The following PCNX1 variants were observed in gnomAD, a reference collection of about 807,000 sequenced individuals.
PCNX1 encodes the protein pecanex-like protein 1.
A neutral mutation model predicts 242.2 loss-of-function variants in PCNX1; 78 were observed. The observed-to-expected ratio is 0.32, with a 90% CI of 0.27 to 0.39. The LOEUF is 0.39. Among genes scored for constraint, PCNX1 ranks in the 10% least tolerant of loss-of-function variants. The pLI, the probability that PCNX1 is intolerant of heterozygous loss-of-function variation, is 1.00. For synonymous variants in PCNX1, 1,024 were observed against 1,032.9 expected, an observed-to-expected ratio of 0.99 and a Z score of 0.17; for missense variants, 2,581 against 2,856.5, an observed-to-expected ratio of 0.90 and a Z score of 2.20.
chr14:71,022,707 T>C (rs1380429227), intron 12 of PCNX1, among the ~76,000 whole-genome samples: 1 of 152,224 alleles, frequency 6.6e-6, no homozygotes, highest in Non-Finnish European at 1.5e-5. Flanking sequence ...TATTTTGATA[T>C]GAAAATGCAG....
chr14:70,990,033 C>A (rs1417330449), intron 7 of PCNX1, among the ~76,000 whole-genome samples: 1 of 152,138 alleles, frequency 6.6e-6, no homozygotes, highest in Non-Finnish European at 1.5e-5. Context: ...AGATAAACCC[C>A]TTCTCTTGTT....
rs2060910659 is a variant in PCNX1 at position 71,047,952 on chromosome 14, G to A, written c.4306G>A (p.Asp1436Asn). Residue 1436 changes from aspartate to asparagine, a missense_variant, in exon 22 of 36, where the codon GAT becomes AAT. This residue lies in a region of PCNX1 where 432 missense variants were observed against 443.1 expected (regional missense o/e 0.97). Transcript: ENST00000304743. ...YEAFSETMLL[D>N]LFFMSILFNK... ...AGCTTTTTCAGAGACCATGCTGTTGGATCTCTTCTTTATGTCCATACTCTT... is the reference window on the plus strand; with the variant it reads ...AGCTTTTTCAGAGACCATGCTGTTGAATCTCTTCTTTATGTCCATACTCTT... The A allele has an allele frequency of 1.2e-6, 2 of 1,612,664 alleles. No individual in the cohort carries two copies. Among genetic ancestry groups the A allele is most frequent in the East Asian group, 4.5e-5 (2 of 44,760 alleles).
At chr14:71,019,755 G>A (rs2060050143) in intron 12 of PCNX1, among the ~76,000 whole-genome samples, 2 of 151,300 alleles carry the variant, frequency 1.3e-5, no homozygotes, top group African/African-American at 4.9e-5. Context: ...TTTTTTAATA[G>A]TAGTAGTTTT....
Position 71,019,951 on chromosome 14 carries a change from C to T in PCNX1, c.3150+789C>T, listed in dbSNP as rs150319385. ...CCCTCCCCTACCCTCCGCCCCCTGA[C>T]GGACCCCCTCCTTGTGTTCCCCTCC... is the stretch of plus-strand genomic sequence containing the variant. On this transcript the variant is annotated intron_variant, in intron 12 of 35. Coordinates refer to ENST00000304743, the MANE Select transcript of PCNX1 (RefSeq NM_014982.3). Among the ~76,000 whole-genome samples the T allele has an allele frequency of 8.3e-3, 1,264 of 151,454 alleles. 21 individuals are homozygous for T. The highest frequency in any genetic ancestry group is 0.029 in the African/African-American group (1,216 of 41,250).
intron 24 of PCNX1, among the ~76,000 whole-genome samples, chr14:71,054,864 G>A (rs1047481203): frequency 1.3e-5 from 2 of 152,100 alleles, no homozygotes; most frequent in East Asian, 3.9e-4. Context: ...TGTGAAACTT[G>A]GACTTTTTGT....
chr14:70,949,450 T>C (rs2526852), intron 2 of PCNX1, among the ~76,000 whole-genome samples: 95,654 of 151,120 alleles, frequency 0.63, 30,554 homozygotes, highest in South Asian at 0.72. Context: ...TATATATGTA[T>C]AATATACACA....
At chr14:71,034,941 A>G (rs562089800) in intron 18 of PCNX1, among the ~76,000 whole-genome samples, 17 of 152,344 alleles carry the variant, frequency 1.1e-4, no homozygotes, top group East Asian at 1.9e-4. Flanking sequence ...TGGTTTTTCT[A>G]TGACCACTGA....
chr14:71,080,479 A>G (rs1213880956), intron 28 of PCNX1, among the ~76,000 whole-genome samples: 1 of 152,150 alleles, frequency 6.6e-6, no homozygotes, highest in Non-Finnish European at 1.5e-5. Context: ...GGCCATTTTC[A>G]CAATATTGAT....
intron 26 of PCNX1, among the ~76,000 whole-genome samples, chr14:71,058,425 G>A (rs969875418): frequency 2.0e-5 from 3 of 152,140 alleles, no homozygotes; most frequent in African/African-American, 2.4e-5. Flanking sequence ...CTGTAAAACT[G>A]AATAACATGT....
intron 1 of PCNX1, among the ~76,000 whole-genome samples, chr14:70,923,376 T>C (rs1325444809): frequency 6.6e-6 from 1 of 152,238 alleles, no homozygotes; most frequent in Admixed American, 6.5e-5. Flanking sequence ...AAAAAATTCA[T>C]GTTTTTGTCT....
chr14:70,961,068 A>T (rs2058193635), intron 2 of PCNX1, among the ~76,000 whole-genome samples: 1 of 152,218 alleles, frequency 6.6e-6, no homozygotes, highest in Non-Finnish European at 1.5e-5. Context: ...AAGAATCAAT[A>T]TCGTGAAAAT....
chr14:70,993,769 G>C (rs183963658), intron 7 of PCNX1, among the ~76,000 whole-genome samples: 3 of 152,264 alleles, frequency 2.0e-5, no homozygotes, highest in Admixed American at 2.0e-4. Flanking sequence ...ACACAGGGAC[G>C]TGGTACCTGA....
chr14:70,979,909 G>A (rs2058787801), intron 6 of PCNX1, among the ~76,000 whole-genome samples: 2 of 151,158 alleles, frequency 1.3e-5, no homozygotes, highest in Admixed American at 6.6e-5. Flanking sequence ...TAACCATTTG[G>A]TGACAGTAGA....
At chr14:71,052,066 A>T (rs2061052540) in intron 24 of PCNX1, 54 bp downstream of exon 24, 5 of 1,288,942 alleles carry the variant, frequency 3.9e-6, no homozygotes, top group Non-Finnish European at 5.5e-6. Flanking sequence ...ACTGGGAAAA[A>T]CTATTGACAG....
intron 1 of PCNX1, among the ~76,000 whole-genome samples, chr14:70,917,964 G>A (rs1198747570): frequency 6.6e-6 from 1 of 152,208 alleles, no homozygotes; most frequent in Middle Eastern, 3.4e-3. Flanking sequence ...AAACTTTTAT[G>A]TTATGGCAAC....
intron 1 of PCNX1, among the ~76,000 whole-genome samples, chr14:70,938,031 C>T (rs1005248535): frequency 3.3e-5 from 5 of 152,198 alleles, no homozygotes; most frequent in African/African-American, 1.2e-4. Flanking sequence ...AGATTTTGGG[C>T]TCAGACGATA....
chr14:71,090,640 A>C (rs184039047), intron 30 of PCNX1, among the ~76,000 whole-genome samples: 54 of 152,312 alleles, frequency 3.5e-4, no homozygotes, highest in Admixed American at 1.2e-3. Flanking sequence ...AGTGCATTTC[A>C]AAAAAAGGTA....
At chr14:71,044,939 T>G (rs562697577) in intron 19 of PCNX1, among the ~76,000 whole-genome samples, 194 bp from the exon 20 acceptor site, 1 of 152,238 alleles carries the variant, frequency 6.6e-6, no homozygotes, top group Non-Finnish European at 1.5e-5. Context: ...GATGTATGAA[T>G]AGTCACTAAC....
chr14:70,947,229 C>A, intron 2 of PCNX1, 106 bp downstream of exon 2: 1 of 841,434 alleles, frequency 1.2e-6, no homozygotes, highest in Non-Finnish European at 1.9e-6. Context: ...GGTTTTAAGG[C>A]AGTGTTAGAT....
Sources: gnomAD v4.1 joint callset for allele counts (sites outside exome capture counted in the v4.1 genomes callset) on GRCh38, gnomAD v4.1.1 for gene constraint, gnomAD v4.1.1 regional missense constraint, MANE v1.5 for transcripts, NCBI Gene and HGNC (gene_info 2026-07-23, HGNC 2026-07-21) for gene names.